HTR2C: variants seen among roughly 807,000 people sequenced by gnomAD.
HTR2C encodes the protein 5-hydroxytryptamine receptor 2C.
HTR2C carries 5 observed loss-of-function variants against 21.0 expected under a neutral mutation model. The ratio of observed to expected loss-of-function variants is 0.24; its 90% confidence interval spans 0.12 to 0.50. HTR2C has a LOEUF of 0.50. Ranked by LOEUF, HTR2C falls within the 20% of genes least tolerant of loss-of-function variation. The pLI is 0.98. For synonymous variants in HTR2C, 150 were observed against 145.3 expected, an observed-to-expected ratio of 1.03 and a Z score of -0.23; for missense variants, 271 against 371.2, an observed-to-expected ratio of 0.73 and a Z score of 2.22.
At chrX:114,619,714 C>A (rs947838617) in intron 2 of HTR2C, among the ~76,000 whole-genome samples, 6 of 111,077 alleles carry the variant, frequency 5.4e-5, no homozygotes, top group Admixed American at 2.9e-4. Context: ...CACCATACCC[C>A]CTAACACAAG....
chrX:114,621,775 GAAGAACAAGCC>G (rs1229863236), intron 2 of HTR2C, among the ~76,000 whole-genome samples: 1 of 112,169 alleles, frequency 8.9e-6, no homozygotes. Flanking sequence ...TGTGGCCTGA[GAAGAACAAGCC>G]CGTCTAGGTT....
chrX:114,722,086 T>C (rs1162028819), intron 2 of HTR2C, among the ~76,000 whole-genome samples: 2 of 110,047 alleles, frequency 1.8e-5, no homozygotes, highest in Admixed American at 2.0e-4. Context: ...GGGATGGCAT[T>C]GAATCTGTAA....
At chrX:114,823,590 G>C (rs369284184) in intron 4 of HTR2C, 1 of 332,897 alleles carries the variant, frequency 3.0e-6, no homozygotes, top group Non-Finnish European at 6.1e-6. Context: ...ACACCACTCT[G>C]CTTCACTGAA....
intron 2 of HTR2C, among the ~76,000 whole-genome samples, chrX:114,661,850 T>TA (rs782251471): frequency 8.9e-6 from 1 of 111,934 alleles, no homozygotes; most frequent in African/African-American, 3.2e-5. Context: ...AAGCAAGTCT[T>TA]ACGTTTCCTA....
At chrX:114,857,977 G>A (rs1433316925) in intron 5 of HTR2C, among the ~76,000 whole-genome samples, 1 of 110,970 alleles carries the variant, frequency 9.0e-6, no homozygotes, top group Non-Finnish European at 1.9e-5. Flanking sequence ...CTTGCCTACC[G>A]AATTACAATG....
chrX:114,888,449 T>A (rs986782200), intron 5 of HTR2C, among the ~76,000 whole-genome samples: 4 of 112,071 alleles, frequency 3.6e-5, no homozygotes, highest in African/African-American at 1.3e-4. Context: ...CAGCTACACT[T>A]ACCCAGATAT....
intron 5 of HTR2C, among the ~76,000 whole-genome samples, chrX:114,861,838 T>C (rs1208935501): frequency 8.9e-6 from 1 of 111,736 alleles, no homozygotes; most frequent in Admixed American, 9.5e-5. Context: ...TATTTGTTTT[T>C]CCATTATTGT....
At chrX:114,770,215 G>A (rs1372749046) in intron 4 of HTR2C, among the ~76,000 whole-genome samples, 2 of 111,454 alleles carry the variant, frequency 1.8e-5, no homozygotes, top group African/African-American at 3.3e-5. Context: ...ATCCTAATTG[G>A]TGTTCATTGA....
chrX:114,703,420 T>G (rs1458837428), intron 2 of HTR2C, among the ~76,000 whole-genome samples: 1 of 110,741 alleles, frequency 9.0e-6, no homozygotes, highest in Non-Finnish European at 1.9e-5. Context: ...TCAAAACCAC[T>G]CAACTACATG....
intron 1 of HTR2C, among the ~76,000 whole-genome samples, chrX:114,603,554 GAC>G (rs1928242167): frequency 9.6e-6 from 1 of 104,278 alleles, no homozygotes; most frequent in African/African-American, 3.5e-5. Context: ...AGATCATTCG[GAC>G]ACGATTGGCA....
At chrX:114,634,561 G>T (rs1301092432) in intron 2 of HTR2C, among the ~76,000 whole-genome samples, 1 of 111,223 alleles carries the variant, frequency 9.0e-6, no homozygotes, top group African/African-American at 3.3e-5. Flanking sequence ...TGTAATCCCA[G>T]CACTTCAGGA....
At chrX:114,843,190 C>T (rs1556466170) in intron 4 of HTR2C, among the ~76,000 whole-genome samples, 5 of 111,856 alleles carry the variant, frequency 4.5e-5, no homozygotes, top group African/African-American at 1.6e-4. Context: ...CTCAAATGTA[C>T]TCAAAGAGCT....
chrX:114,733,926 C>A (rs1340277188), intron 4 of HTR2C, among the ~76,000 whole-genome samples: 1 of 110,599 alleles, frequency 9.0e-6, no homozygotes, highest in African/African-American at 3.3e-5. Flanking sequence ...AACATTCCCT[C>A]CAATAAAGAA....
At chrX:114,868,632 G>A (rs2071065521) in intron 5 of HTR2C, among the ~76,000 whole-genome samples, 1 of 112,224 alleles carries the variant, frequency 8.9e-6, no homozygotes, top group Non-Finnish European at 1.9e-5. Flanking sequence ...AATGCCTCAT[G>A]CATAAATATG....
chrX:114,761,898 T>TAC (rs1337356967), intron 4 of HTR2C, among the ~76,000 whole-genome samples: 7 of 105,492 alleles, frequency 6.6e-5, no homozygotes, highest in East Asian at 2.8e-4. Flanking sequence ...TGTGTATATA[T>TAC]ACATATATGT....
chrX:114,595,364 T>C (rs781799395), intron 1 of HTR2C, among the ~76,000 whole-genome samples: 6 of 91,725 alleles, frequency 6.5e-5, no homozygotes, highest in Non-Finnish European at 1.1e-4. Context: ...ACTGTAGGTG[T>C]GTGTCACCGT....
intron 2 of HTR2C, among the ~76,000 whole-genome samples, chrX:114,654,712 T>C: frequency 9.1e-6 from 1 of 110,198 alleles, no homozygotes; most frequent in South Asian, 3.7e-4. Context: ...AAGTAGGCAA[T>C]AGAGCAGACA....
chrX:114,780,770 A>G (rs1263929471), intron 4 of HTR2C, among the ~76,000 whole-genome samples: 1 of 111,824 alleles, frequency 8.9e-6, no homozygotes, highest in Non-Finnish European at 1.9e-5. Context: ...CTGAAAAGCA[A>G]CCCCATTCTA....
intron 2 of HTR2C, among the ~76,000 whole-genome samples, chrX:114,724,441 C>A (rs1933362214): frequency 9.8e-6 from 1 of 101,810 alleles, no homozygotes; most frequent in Non-Finnish European, 2.0e-5. Flanking sequence ...CTGAATGCAA[C>A]ACACTGATGG....
Sources: gnomAD v4.1 joint callset for allele counts (sites outside exome capture counted in the v4.1 genomes callset) on GRCh38, gnomAD v4.1.1 for gene constraint, MANE v1.5 for transcripts, NCBI Gene and HGNC (gene_info 2026-07-23, HGNC 2026-07-21) for gene names.